GRM7: variants seen among roughly 807,000 people sequenced by gnomAD.
The protein encoded by GRM7 is metabotropic glutamate receptor 7.
GRM7 carries 35 observed loss-of-function variants against 84.5 expected under a neutral mutation model. The ratio of observed to expected loss-of-function variants is 0.41; its 90% CI spans 0.32 to 0.55. GRM7 has a LOEUF of 0.55. Among genes scored for constraint, GRM7 ranks in the 20% least tolerant of loss-of-function variants. The pLI, the probability that GRM7 is intolerant of heterozygous loss-of-function variation, is 0.19. For missense variants in GRM7, 1,003 were observed against 1,194.6 expected (o/e 0.84, Z 2.36); for synonymous variants, 487 against 455.1 (o/e 1.07, Z -0.89).
At chr3:7,663,937 C>T (rs114060744) in intron 8 of GRM7, among the ~76,000 whole-genome samples, 1,871 of 152,290 alleles carry the variant, frequency 0.012, 49 homozygotes, top group African/African-American at 0.043. Context: ...GTTAACACTG[C>T]GCCTTAATGC....
chr3:7,150,966 A>G (rs890702538), intron 2 of GRM7, among the ~76,000 whole-genome samples: 2 of 152,226 alleles, frequency 1.3e-5, no homozygotes, highest in African/African-American at 4.8e-5. Context: ...TAGCACAAAT[A>G]GTAACAACTG....
intron 2 of GRM7, among the ~76,000 whole-genome samples, chr3:7,233,997 T>A (rs191120418): frequency 9.2e-5 from 14 of 152,264 alleles, no homozygotes; most frequent in African/African-American, 2.9e-4. Flanking sequence ...AAAACTTCCT[T>A]CCTATAACTG....
intron 2 of GRM7, among the ~76,000 whole-genome samples, chr3:7,262,305 C>A (rs1698461062): frequency 6.6e-6 from 1 of 152,014 alleles, no homozygotes; most frequent in Non-Finnish European, 1.5e-5. Context: ...TTTCATTCTT[C>A]TTTTTTTAAA....
intron 8 of GRM7, among the ~76,000 whole-genome samples, chr3:7,644,779 A>G (rs1021767065): frequency 1.3e-5 from 2 of 152,134 alleles, no homozygotes; most frequent in Admixed American, 1.3e-4. Context: ...TGTCCCCAAG[A>G]CTTTGGTAAT....
chr3:7,670,014 C>T (rs1031349636), intron 8 of GRM7, among the ~76,000 whole-genome samples: 1 of 146,956 alleles, frequency 6.8e-6, no homozygotes, highest in African/African-American at 2.7e-5. Context: ...ACAGTCACCC[C>T]AATGGGCAAT....
intron 4 of GRM7, among the ~76,000 whole-genome samples, chr3:7,339,676 C>T (rs950805187): frequency 6.6e-6 from 1 of 151,990 alleles, no homozygotes; most frequent in African/African-American, 2.4e-5. Context: ...CAAGGGAAAT[C>T]CTGCTTCTTC....
In GRM7 at chr3:7,079,044, G is replaced by T. The variant is rs144872822; in HGVS notation, c.520-67408G>T. Among the ~76,000 whole-genome samples, 215 of 152,136 alleles carry T rather than the reference G, an allele frequency of 1.4e-3. 4 individuals are homozygous for T. The East Asian group carries it at 0.039, about 28-fold the overall frequency. On this transcript the variant is annotated intron_variant, in intron 1 of 9. Transcript: ENST00000357716. ...AGAAATTTAAGAAAACATGAATGCT[G>T]CATTCTTTTAATATTTGTTATATAA...
chr3:7,196,004 A>T (rs1374888886), intron 2 of GRM7, among the ~76,000 whole-genome samples: 2 of 152,020 alleles, frequency 1.3e-5, no homozygotes, highest in Non-Finnish European at 2.9e-5. Context: ...TTATCTAGCT[A>T]GTTAGTTAAC....
chr3:7,701,000 A>G (rs564704267), intron 9 of GRM7, among the ~76,000 whole-genome samples: 1 of 152,334 alleles, frequency 6.6e-6, no homozygotes, highest in South Asian at 2.1e-4. Context: ...ATAAAATCCT[A>G]TGAGGGCAGT....
rs529779642 is a variant in GRM7, at chr3:6,863,123, C to T, written c.519+1216C>T. ...CTCTCTTTCTGTCTCTGTCTCCTTG[C>T]TGTTTTTTTTTTCTCTCTGTTTTTT... On this transcript the variant is annotated intron_variant, in intron 1 of 9. Transcript: ENST00000357716. This position sits in a 1 kb window ranked among gnomAD's most constrained non-coding sequence, Gnocchi z 4.8. 12 of 337,586 alleles carry T rather than the reference C, an allele frequency of 3.6e-5. No homozygotes were observed. The highest frequency in any genetic ancestry group is 6.4e-5 in the Non-Finnish European group (11 of 170,706). The allele number at this position is 337,586 out of a possible 1,614,324, so 20.9% of individuals were successfully genotyped here.
At chr3:7,584,657 T>C (rs1695426284) in intron 8 of GRM7, among the ~76,000 whole-genome samples, 1 of 152,186 alleles carries the variant, frequency 6.6e-6, no homozygotes. Flanking sequence ...AGAAAACTAG[T>C]TGAGTATTAC....
chr3:7,717,989 T>C (rs752101218), intron 9 of GRM7, among the ~76,000 whole-genome samples: 1 of 152,208 alleles, frequency 6.6e-6, no homozygotes, highest in African/African-American at 2.4e-5. Context: ...TCCAAGATGA[T>C]GCGGACTAGC....
chr3:7,128,323 A>T (rs1693470181), intron 1 of GRM7, among the ~76,000 whole-genome samples: 1 of 151,802 alleles, frequency 6.6e-6, no homozygotes, highest in East Asian at 1.9e-4. Flanking sequence ...CATGAATATA[A>T]ACATGACTCA....
intron 8 of GRM7, among the ~76,000 whole-genome samples, chr3:7,658,413 C>A (rs1699293253): frequency 1.3e-5 from 2 of 152,110 alleles, no homozygotes; most frequent in Admixed American, 1.3e-4. Flanking sequence ...TTTTTGGTAG[C>A]CTTTCGCCTA....
At chr3:7,659,460 G>GCAAT (rs1302383162) in intron 8 of GRM7, among the ~76,000 whole-genome samples, 2 of 133,680 alleles carry the variant, frequency 1.5e-5, no homozygotes, top group African/African-American at 5.2e-5. Flanking sequence ...CTATTTTAAA[G>GCAAT]CAATCACATA....
intron 4 of GRM7, among the ~76,000 whole-genome samples, chr3:7,337,673 A>G (rs1701474045): frequency 6.6e-6 from 1 of 152,154 alleles, no homozygotes; most frequent in Non-Finnish European, 1.5e-5. Flanking sequence ...ATCATTAGTT[A>G]TCAGGGAAAT....
intron 1 of GRM7, among the ~76,000 whole-genome samples, chr3:7,108,534 C>G (rs1027566844): frequency 6.6e-6 from 1 of 150,876 alleles, no homozygotes. Context: ...GATTCTTGCC[C>G]TCTTGAGTTT....
chr3:7,386,002 C>G (rs1050054851), intron 4 of GRM7, among the ~76,000 whole-genome samples: 1 of 152,124 alleles, frequency 6.6e-6, no homozygotes, highest in African/African-American at 2.4e-5. Context: ...TGCATTTACA[C>G]TAAGTCAACA....
At chr3:7,717,293 A>G (rs560703826) in intron 9 of GRM7, among the ~76,000 whole-genome samples, 1 of 152,292 alleles carries the variant, frequency 6.6e-6, no homozygotes, top group Non-Finnish European at 1.5e-5. Context: ...TAAATCACAC[A>G]AAGTTATTTT....
Sources: gnomAD v4.1 joint callset for allele counts (sites outside exome capture counted in the v4.1 genomes callset) on GRCh38, gnomAD v4.1.1 for gene constraint, Gnocchi (gnomAD v3.1) non-coding constraint, MANE v1.5 for transcripts, NCBI Gene and HGNC (gene_info 2026-07-23, HGNC 2026-07-21) for gene names.